The following CXCL13 variants were observed in gnomAD, a reference collection of about 807,000 sequenced individuals.
The protein encoded by CXCL13 is C-X-C motif chemokine 13.
A neutral mutation model predicts 12.2 loss-of-function variants in CXCL13; 7 were observed. The observed-to-expected ratio is 0.57, with a 90% CI of 0.33 to 1.07. The LOEUF is 1.07. Among genes scored for constraint, CXCL13 ranks in the 50% least tolerant of loss-of-function variants. The pLI is 0.04. For missense variants in CXCL13, 113 were observed against 127.4 expected (o/e 0.89, Z 0.55); for synonymous variants, 47 against 42.4 (o/e 1.11, Z -0.42).
At chr4:77,549,809 A>G (rs879714176) in intron 1 of CXCL13, among the ~76,000 whole-genome samples, 6 of 152,214 alleles carry the variant, frequency 3.9e-5, no homozygotes, top group Non-Finnish European at 8.8e-5. Flanking sequence ...AACCCACTTG[A>G]GGAGGCAGTC....
chr4:77,513,223 C>A (rs146479582), intron 1 of CXCL13, among the ~76,000 whole-genome samples: 2 of 152,118 alleles, frequency 1.3e-5, no homozygotes, highest in African/African-American at 4.8e-5. Context: ...CAAGTCTTTG[C>A]TATTGTGAAC....
rs1268225125 is a variant in CXCL13, at chr4:77,580,390, A to G, written c.-42-25434A>G. Among the ~76,000 whole-genome samples, 22 of 113,874 alleles carry G rather than the reference A, an allele frequency of 1.9e-4. No individual in the cohort carries two copies. The Admixed American group carries it at 2.9e-3, about 15-fold the overall frequency. The allele number at this position is 113,874 out of a possible 152,430, so 74.7% of individuals were successfully genotyped here. On this transcript the variant is annotated intron_variant, in intron 1 of 4. Coordinates refer to the CXCL13 transcript ENST00000286758. The stretch of plus-strand genomic sequence containing the variant: ...TCACCAGGCTGGAGTGCAGTGGTGC[A>G]ATCTTGGCTCACTGCAACCTCTGCC...
At chr4:77,531,323 G>T (rs1468482221) in intron 1 of CXCL13, among the ~76,000 whole-genome samples, 1 of 126,856 alleles carries the variant, frequency 7.9e-6, no homozygotes, top group African/African-American at 3.1e-5. Context: ...CCCTTCCTGT[G>T]TCCATGTGTT....
At chr4:77,573,988 A>G (rs892512132) in intron 1 of CXCL13, among the ~76,000 whole-genome samples, 2 of 151,980 alleles carry the variant, frequency 1.3e-5, no homozygotes, top group Non-Finnish European at 1.5e-5. Flanking sequence ...ATTGGCTTCA[A>G]TTAGAAAAAT....
chr4:77,539,774 T>A (rs529587886), intron 1 of CXCL13, among the ~76,000 whole-genome samples: 1 of 152,292 alleles, frequency 6.6e-6, no homozygotes, highest in South Asian at 2.1e-4. Context: ...TGGTGCCAGC[T>A]GCAACCAATT....
upstream of CXCL13, among the ~76,000 whole-genome samples, chr4:77,604,913 C>T (rs1438479141): frequency 1.3e-5 from 2 of 152,156 alleles, no homozygotes; most frequent in Non-Finnish European, 2.9e-5. Flanking sequence ...TAGTGGTACT[C>T]TAGGCCAGAC....
intron 1 of CXCL13, among the ~76,000 whole-genome samples, chr4:77,529,654 A>G (rs1357657088): frequency 6.6e-6 from 1 of 152,224 alleles, no homozygotes; most frequent in African/African-American, 2.4e-5. Context: ...GAAGTTGCCT[A>G]TCGGCTTAAG....
chr4:77,538,194 T>G (rs916377294), intron 1 of CXCL13, among the ~76,000 whole-genome samples: 1 of 152,120 alleles, frequency 6.6e-6, no homozygotes, highest in South Asian at 2.1e-4. Context: ...TGGGTTGCAA[T>G]GAGAGAGGAG....
At chr4:77,548,857 A>T (rs1409399467) in intron 1 of CXCL13, among the ~76,000 whole-genome samples, 2 of 152,028 alleles carry the variant, frequency 1.3e-5, no homozygotes, top group African/African-American at 4.8e-5. Flanking sequence ...TGTTCTCTGT[A>T]TTTCCTGAAT....
chr4:77,568,526 G>A (rs1725988871), intron 1 of CXCL13, among the ~76,000 whole-genome samples: 1 of 152,174 alleles, frequency 6.6e-6, no homozygotes, highest in Admixed American at 6.5e-5. Flanking sequence ...TTGGGCAATT[G>A]TTTAAGGAAG....
intron 1 of CXCL13, among the ~76,000 whole-genome samples, chr4:77,541,594 A>G (rs528086791): frequency 6.6e-6 from 1 of 152,230 alleles, no homozygotes; most frequent in East Asian, 1.9e-4. Flanking sequence ...TACCAGTACC[A>G]TGTTGTTTTG....
chr4:77,608,235 G>A (rs553185731), intron 2 of CXCL13, among the ~76,000 whole-genome samples: 15 of 152,218 alleles, frequency 9.9e-5, no homozygotes, highest in African/African-American at 3.6e-4. Flanking sequence ...GAGGTCAGGA[G>A]TTCGAGACCA....
At chr4:77,573,117 GA>G (rs1206027629) in intron 1 of CXCL13, among the ~76,000 whole-genome samples, 1 of 151,716 alleles carries the variant, frequency 6.6e-6, no homozygotes, top group Non-Finnish European at 1.5e-5. Flanking sequence ...AGACAATCAG[GA>G]AAAATAACTA....
chr4:77,611,090 G>T lies in CXCL13; in HGVS notation c.*51G>T, dbSNP rs1169428970. The T allele has an allele frequency of 6.8e-7, 1 of 1,461,420 alleles. No individual in the cohort carries two copies. 90.5% of individuals were successfully genotyped at this position (1,461,420 alleles called of 1,614,324 possible). On this transcript the variant is annotated 3_prime_UTR_variant, in exon 4 of 4. Transcript: ENST00000682537. ...TGCATTCTTCCCTTATCCCTGCTCTGGATTTTAGTTTTGTGCTTAGTTAAA... is the reference window on the plus strand; with the variant it reads ...TGCATTCTTCCCTTATCCCTGCTCTTGATTTTAGTTTTGTGCTTAGTTAAA...
chr4:77,609,152 T>C (rs1727087289), intron 2 of CXCL13, among the ~76,000 whole-genome samples: 1 of 152,210 alleles, frequency 6.6e-6, no homozygotes, highest in South Asian at 2.1e-4. Flanking sequence ...TGGAAGTGTC[T>C]ATCTGAAAAC....
intron 1 of CXCL13, among the ~76,000 whole-genome samples, chr4:77,528,348 A>C (rs1414367706): frequency 6.6e-6 from 1 of 152,176 alleles, no homozygotes; most frequent in Non-Finnish European, 1.5e-5. Flanking sequence ...CTGAGGAATC[A>C]CCACACTGAC....
intron 1 of CXCL13, among the ~76,000 whole-genome samples, chr4:77,564,918 G>T (rs1027589915): frequency 6.6e-6 from 1 of 152,154 alleles, no homozygotes; most frequent in Non-Finnish European, 1.5e-5. Flanking sequence ...TAGGGTGGGG[G>T]CAACCAAACA....
intron 1 of CXCL13, among the ~76,000 whole-genome samples, chr4:77,548,738 C>T (rs1194283003): frequency 6.6e-6 from 1 of 152,200 alleles, no homozygotes; most frequent in Non-Finnish European, 1.5e-5. Flanking sequence ...TTGTGGGTAA[C>T]CCGACCTTTC....
intron 1 of CXCL13, among the ~76,000 whole-genome samples, chr4:77,536,759 AAATAGC>A (rs1725066547): frequency 6.6e-6 from 1 of 152,246 alleles, no homozygotes; most frequent in Admixed American, 6.5e-5. Flanking sequence ...TTCTTCTGAA[AAATAGC>A]AATAGCTGAT....
Sources: allele counts gnomAD v4.1 joint callset (sites outside exome capture counted in the v4.1 genomes callset), GRCh38; gene constraint gnomAD v4.1.1; transcripts MANE v1.5; gene names NCBI Gene and HGNC (gene_info 2026-07-23, HGNC 2026-07-21).